FAT3: variants seen among roughly 807,000 people sequenced by gnomAD.
The protein encoded by FAT3 is protocadherin Fat 3.
In FAT3, 95 loss-of-function variants were observed where a neutral mutation model predicts 310.2. That is an observed-to-expected ratio of 0.31 (90% CI 0.26 to 0.36). FAT3 has a LOEUF of 0.36. FAT3 is among the 10% of genes least tolerant of loss of function. The pLI is 1.00. For synonymous variants in FAT3, 2,314 were observed against 2,192.9 expected (o/e 1.06, Z -1.54); for missense variants, 5,408 against 5,715.6 (o/e 0.95, Z 1.74).
In FAT3 at chr11:92,801,677, A is replaced by G; in HGVS notation, c.8664A>G (p.Thr2888=). The change falls in exon 10 of 28, where the codon ACA becomes ACG. Residue 2888 remains threonine, a synonymous_variant. Coordinates refer to ENST00000525166, the MANE Select transcript of FAT3 (RefSeq NM_001367949.2). The stretch of plus-strand genomic sequence containing the variant: ...ACCTAGATCACGAGACAGACCCCAC[A>G]TTCACCTTCTCTGTGGTGGCCTCTG... The part of the protein sequence containing the change: ...LKDLDHETDP[T]FTFSVVASDL... The G allele has an allele frequency of 6.2e-7, 1 of 1,613,632 alleles. No homozygotes were observed. Among genetic ancestry groups the G allele is most frequent in the Non-Finnish European group, 8.5e-7 (1 of 1,179,762 alleles).
intron 3 of FAT3, among the ~76,000 whole-genome samples, chr11:92,533,889 G>A (rs1174327348): frequency 6.6e-6 from 1 of 152,052 alleles, no homozygotes; most frequent in Non-Finnish European, 1.5e-5. Flanking sequence ...TTATTTGGGA[G>A]GGTGATAGAG....
chr11:92,653,400 T>C (rs1591568667), intron 3 of FAT3, among the ~76,000 whole-genome samples: 1 of 152,116 alleles, frequency 6.6e-6, no homozygotes, highest in Non-Finnish European at 1.5e-5. Flanking sequence ...ATTATGGCTG[T>C]GCCTGGTTTC....
At chr11:92,355,831 G>T (rs1948713672) in intron 2 of FAT3, among the ~76,000 whole-genome samples, 1 of 152,182 alleles carries the variant, frequency 6.6e-6, no homozygotes, top group African/African-American at 2.4e-5. Context: ...TCCCTTTACA[G>T]TAAGGCTTTG....
chr11:92,890,847 G>T lies in FAT3; in HGVS notation c.13504G>T (p.Glu4502Ter). The change falls in exon 28 of 28, where the codon GAA becomes TAA. Residue 4502 changes from glutamate to a stop codon, truncating the protein, a stop_gained. Transcript: ENST00000525166. LOFTEE classifies it high-confidence loss of function. ...TCTCCCTCCTCACCCATTCCCCAAC[G>T]AAACGGATTTGGTGGGCCCGCCTGC... ...QYLPPHPFPN[E>*]TDLVGPPASC... is the part of the protein sequence containing the mutation. The T allele has an allele frequency of 6.2e-7, 1 of 1,612,752 alleles. No individual in the cohort carries two copies. Among genetic ancestry groups the T allele is most frequent in the Non-Finnish European group, 8.5e-7 (1 of 1,179,550 alleles).
chr11:92,705,983 T>C (rs113154343), intron 4 of FAT3, among the ~76,000 whole-genome samples: 4,082 of 66,740 alleles, frequency 0.061, 215 homozygotes, highest in African/African-American at 0.2. Flanking sequence ...GTGGCAGTGA[T>C]GGTGATGGTG....
rs1210244582 is a variant in FAT3, at chr11:92,565,626, C to A, written c.3607+40678C>A. 2.0e-5 allele frequency among the ~76,000 whole-genome samples: 3 copies of A among 151,140 alleles called. No individual in the cohort carries two copies. In the South Asian group the frequency reaches 6.3e-4, roughly 32 times the overall value. On this transcript the variant is annotated intron_variant, in intron 3 of 27. Transcript: ENST00000525166. ...CCAATATCCTTGATGAACATTGATG[C>A]AAAAATCCTCAATAAAATACTGGCA...
intron 2 of FAT3, among the ~76,000 whole-genome samples, chr11:92,473,594 G>A (rs1951968263): frequency 2.6e-5 from 4 of 152,082 alleles, no homozygotes. Context: ...TGGATTTTAG[G>A]ACATATTCCT....
At chr11:92,700,318 C>T (rs1944060567) in intron 4 of FAT3, among the ~76,000 whole-genome samples, 2 of 152,044 alleles carry the variant, frequency 1.3e-5, no homozygotes, top group African/African-American at 4.8e-5. Context: ...GAAAGGCAAA[C>T]AGAGGGGACT....
intron 19 of FAT3, among the ~76,000 whole-genome samples, chr11:92,853,780 G>T (rs1378218882): frequency 6.6e-6 from 1 of 152,126 alleles, no homozygotes; most frequent in East Asian, 1.9e-4. Context: ...CAGGATCCAG[G>T]GTTTTTATGG....
At chr11:92,550,713 G>C (rs909487186) in intron 3 of FAT3, among the ~76,000 whole-genome samples, 3 of 151,422 alleles carry the variant, frequency 2.0e-5, no homozygotes, top group Non-Finnish European at 2.9e-5. Context: ...CTCCTGCCAA[G>C]TGAAAGCTAG....
At chr11:92,229,596 C>T (rs1864084837) in intron 1 of FAT3, among the ~76,000 whole-genome samples, 1 of 136,230 alleles carries the variant, frequency 7.3e-6, no homozygotes, top group African/African-American at 2.7e-5. Context: ...AAAAGAAATT[C>T]AGCTTAATGA....
chr11:92,761,877 C>T lies in FAT3; in HGVS notation c.3691C>T (p.Pro1231Ser), dbSNP rs185845584. The change falls in exon 5 of 28, where the codon CCC becomes TCC. Residue 1231 changes from proline to serine, a missense_variant. Around this residue, in one of 5 missense-constraint regions of FAT3, gnomAD observed 4,588 missense variants for 4,809.8 expected, o/e 0.95. Coordinates refer to ENST00000525166, the MANE Select transcript of FAT3 (RefSeq NM_001367949.2). ...FLEVTVTDGG[P>S]SPKQSTIWVV... Reference sequence around the variant, plus strand: ...TCAGGTGACTGTGACAGATGGTGGTCCCTCTCCAAAACAGTCAACCATTTG... The same window carrying T: ...TCAGGTGACTGTGACAGATGGTGGTTCCTCTCCAAAACAGTCAACCATTTG... 6.2e-7 allele frequency: 1 copy of T among 1,613,610 alleles called. No individual in the cohort carries two copies. Among genetic ancestry groups the T allele is most frequent in the Non-Finnish European group, 8.5e-7 (1 of 1,179,664 alleles).
At chr11:92,794,532 T>A (rs1375862997) in intron 9 of FAT3, among the ~76,000 whole-genome samples, 1 of 152,244 alleles carries the variant, frequency 6.6e-6, no homozygotes, top group African/African-American at 2.4e-5. Flanking sequence ...AGATAATGTT[T>A]CAACCAGTTT....
rs1278512040 is a variant in FAT3, at chr11:92,894,619, T to A, written c.*3506T>A. The A allele has an allele frequency of 6.6e-6, 1 of 152,172 alleles. No individual in the cohort carries two copies. The highest frequency in any genetic ancestry group is 1.5e-5 in the Non-Finnish European group (1 of 68,028). 9.4% of individuals were successfully genotyped at this position (152,172 alleles called of 1,614,324 possible). Reference sequence around the variant, plus strand: ...ATAGTAAGCAAGAACTTGGGAGTAATAAAAGGTGAATAAAATGCATGCTTC... The same window carrying A: ...ATAGTAAGCAAGAACTTGGGAGTAAAAAAAGGTGAATAAAATGCATGCTTC... On this transcript the variant is annotated 3_prime_UTR_variant, in exon 28 of 28. Coordinates refer to ENST00000525166, the MANE Select transcript of FAT3 (RefSeq NM_001367949.2).
At position 92,853,657 on chromosome 11, in the gene FAT3, C is replaced by T. The variant is rs532260110; in HGVS notation, c.11366-3557C>T. 2.0e-5 allele frequency among the ~76,000 whole-genome samples: 3 copies of T among 152,242 alleles called. No individual in the cohort carries two copies. The South Asian group carries it at 6.2e-4, about 32-fold the overall frequency. On this transcript the variant is annotated intron_variant, in intron 19 of 27. Coordinates refer to ENST00000525166, the MANE Select transcript of FAT3 (RefSeq NM_001367949.2). ...CTCTCAGGAGCCCCGCGGTGGGTAG[C>T]CCCTTACTGCAGGCAGGTTGTCCCA...
Position 92,836,624 on chromosome 11 carries a change from A to G in FAT3, c.10145A>G (p.Asn3382Ser), listed in dbSNP as rs1278307411. 5.6e-6 allele frequency: 9 copies of G among 1,613,746 alleles called. No individual in the cohort carries two copies. Among genetic ancestry groups the G allele is most frequent in the African/African-American group, 2.7e-5 (2 of 74,916 alleles). ...GGACAGATTCATTTTTCCATTGTGA[A>G]TGGAGATCGGGACAATGAATTTACT... Reference protein sequence around the residue: ...PNGQIHFSIVNGDRDNEFTVD... With the variant: ...PNGQIHFSIVSGDRDNEFTVD... The change falls in exon 16 of 28, where the codon AAT becomes AGT. Residue 3382 changes from asparagine (N) to serine (S), a missense_variant. Asn to Ser is a conservative substitution (Grantham distance 46). This residue lies in a region of FAT3 where 4,588 missense variants were observed against 4,809.8 expected (regional missense o/e 0.95). Coordinates refer to ENST00000525166, the MANE Select transcript of FAT3 (RefSeq NM_001367949.2).
At chr11:92,613,795 C>G (rs1163005986) in intron 3 of FAT3, among the ~76,000 whole-genome samples, 1 of 152,122 alleles carries the variant, frequency 6.6e-6, no homozygotes, top group Non-Finnish European at 1.5e-5. Context: ...GTGTACAGTT[C>G]AGTGATTTTT....
intron 3 of FAT3, among the ~76,000 whole-genome samples, chr11:92,545,991 C>G (rs1022511849): frequency 1.3e-5 from 2 of 152,180 alleles, no homozygotes; most frequent in Non-Finnish European, 2.9e-5. Flanking sequence ...AATTGTCATT[C>G]TTTCTCTACT....
At chr11:92,517,002 A>T (rs1343479788) in intron 2 of FAT3, among the ~76,000 whole-genome samples, 1 of 152,216 alleles carries the variant, frequency 6.6e-6, no homozygotes, top group East Asian at 1.9e-4. Context: ...AAATGGAAAA[A>T]CATTCCATGC....
Sources: gnomAD v4.1 joint callset for allele counts (sites outside exome capture counted in the v4.1 genomes callset) on GRCh38, gnomAD v4.1.1 for gene constraint, gnomAD v4.1.1 regional missense constraint, MANE v1.5 for transcripts, NCBI Gene and HGNC (gene_info 2026-07-23, HGNC 2026-07-21) for gene names.